PCDHGA10: variants seen among roughly 807,000 people sequenced by gnomAD.
The protein encoded by PCDHGA10 is protocadherin gamma-A10.
A neutral mutation model predicts 59.5 loss-of-function variants in PCDHGA10; 42 were observed. The observed-to-expected ratio is 0.71, with a 90% confidence interval of 0.55 to 0.91. The LOEUF is 0.91. Among genes scored for constraint, PCDHGA10 ranks in the 40% least tolerant of loss-of-function variants. The pLI is 0.00. For missense variants in PCDHGA10, 1,111 were observed against 1,198.2 expected, an observed-to-expected ratio of 0.93 and a Z score of 1.07; for synonymous variants, 511 against 517.2, an observed-to-expected ratio of 0.99 and a Z score of 0.16.
chr5:141,413,265 T>C lies in PCDHGA10; in HGVS notation c.90T>C (p.Ala30=). ...LCLFFGIPWE[A]GARQISYSIP... ...TTTTCTTCGGGATTCCATGGGAGGC[T>C]GGAGCCCGGCAGATCTCCTACTCAA... Residue 30 remains alanine (A), a synonymous_variant, in exon 1 of 4, where the codon GCT becomes GCC. Transcript: ENST00000398610. The C allele has an allele frequency of 6.2e-7, 1 of 1,613,958 alleles. No homozygotes were observed. Among genetic ancestry groups the C allele is most frequent in the Non-Finnish European group, 8.5e-7 (1 of 1,179,906 alleles).
chr5:141,433,090 C>T, intron 1 of PCDHGA10: 2 of 1,614,210 alleles, frequency 1.2e-6, no homozygotes, highest in Non-Finnish European at 1.7e-6. Flanking sequence ...ACTATGCAGA[C>T]ATGCTCGTCA....
At chr5:141,424,297 A>G (rs2096812591) in intron 1 of PCDHGA10, 1 of 152,466 alleles carries the variant, frequency 6.6e-6, no homozygotes, top group African/African-American at 2.4e-5. Flanking sequence ...TCTTCATCCT[A>G]TCAACACAGA....
intron 1 of PCDHGA10, among the ~76,000 whole-genome samples, chr5:141,473,858 C>T (rs569473917): frequency 6.6e-6 from 1 of 152,168 alleles, no homozygotes; most frequent in Non-Finnish European, 1.5e-5. Flanking sequence ...ATGAACCTCG[C>T]TATTGTGGAG....
At chr5:141,449,537 C>A (rs1377909573) in intron 1 of PCDHGA10, among the ~76,000 whole-genome samples, 1 of 146,334 alleles carries the variant, frequency 6.8e-6, no homozygotes, top group Non-Finnish European at 1.5e-5. Flanking sequence ...TGCAGTGAGC[C>A]GAGATCGCAC....
chr5:141,476,697 C>T lies in PCDHGA10; in HGVS notation c.2437-18110C>T, dbSNP rs758302668. The T allele has an allele frequency of 2.5e-6, 4 of 1,614,110 alleles. No individual in the cohort carries two copies. The highest frequency in any genetic ancestry group is 2.2e-5 in the South Asian group (2 of 91,088). The stretch of plus-strand genomic sequence containing the variant: ...ACGCGGGAGGACAGCACCAAGTACG[C>T]GGAGCTGGTGTTGGAGCGCGCCCTG... On this transcript the variant is annotated intron_variant, in intron 1 of 3. Coordinates refer to ENST00000398610, the MANE Select transcript of PCDHGA10 (RefSeq NM_018913.3). The surrounding 1 kb of genome is among the most constrained non-coding windows in gnomAD (Gnocchi z 7.6).
intron 1 of PCDHGA10, among the ~76,000 whole-genome samples, chr5:141,436,517 G>A (rs1398225419): frequency 1.3e-5 from 2 of 152,130 alleles, no homozygotes; most frequent in African/African-American, 4.8e-5. Flanking sequence ...TGTTAACTGT[G>A]TCACCTTTAG....
chr5:141,414,352 T>C lies in PCDHGA10; in HGVS notation c.1177T>C (p.Tyr393His). The C allele has an allele frequency of 5.0e-6, 8 of 1,613,968 alleles. No individual in the cohort carries two copies. Among genetic ancestry groups the C allele is most frequent in the Non-Finnish European group, 6.8e-6 (8 of 1,179,898 alleles). The change falls in exon 1 of 4, where the codon TAT becomes CAT. Residue 393 changes from tyrosine (Y) to histidine (H), a missense_variant. Coordinates refer to ENST00000398610, the MANE Select transcript of PCDHGA10 (RefSeq NM_018913.3). ...NGQVTCSILA[Y>H]LPFKLEKSID... ...ACAGGTAACCTGTTCCATTTTGGCG[T>C]ATCTACCATTTAAATTAGAAAAGTC... is the stretch of plus-strand genomic sequence containing the variant.
intron 1 of PCDHGA10, among the ~76,000 whole-genome samples, chr5:141,470,854 A>G (rs553276517): frequency 6.6e-6 from 1 of 152,028 alleles, no homozygotes; most frequent in Admixed American, 6.6e-5. Context: ...TGCTCAGATA[A>G]GTTTTTTGTT....
At chr5:141,422,588 C>A in intron 1 of PCDHGA10, 1 of 1,614,056 alleles carries the variant, frequency 6.2e-7, no homozygotes, top group South Asian at 1.1e-5. Flanking sequence ...CCCGTTTTTC[C>A]TCACTCCTCT....
rs1404533394 is a variant in PCDHGA10, at chr5:141,491,708, G to T, written c.2437-3099G>T. ...CTGCGGGAGCGGAGCCAGGTGAGGG[G>T]CTCGGCGCCGCCCCGGGCGACCCCT... On this transcript the variant is annotated intron_variant, in intron 1 of 3. Transcript: ENST00000398610. The surrounding 1 kb of genome is among the most constrained non-coding windows in gnomAD (Gnocchi z 6.9). 1 of 1,610,132 alleles carries T rather than the reference G, an allele frequency of 6.2e-7. No individual in the cohort carries two copies. Among genetic ancestry groups the T allele is most frequent in the Admixed American group, 1.7e-5 (1 of 59,518 alleles).
chr5:141,421,538 T>A, intron 1 of PCDHGA10: 2 of 1,614,028 alleles, frequency 1.2e-6, no homozygotes, highest in Non-Finnish European at 1.7e-6. Context: ...TCCTCCTGTT[T>A]TTTAAATATG....
At chr5:141,435,067 T>C (rs1381741674) in intron 1 of PCDHGA10, among the ~76,000 whole-genome samples, 1 of 152,168 alleles carries the variant, frequency 6.6e-6, no homozygotes, top group African/African-American at 2.4e-5. Flanking sequence ...CAGTTTTGTG[T>C]AGACCGTCTG....
At chr5:141,501,298 C>T (rs998006748) in intron 2 of PCDHGA10, among the ~76,000 whole-genome samples, 216 of 148,422 alleles carry the variant, frequency 1.5e-3, no homozygotes, top group Admixed American at 2.4e-3. Context: ...TATACACACA[C>T]ACACACACAC....
chr5:141,475,381 T>G (rs1182018899), intron 1 of PCDHGA10, among the ~76,000 whole-genome samples: 3 of 152,226 alleles, frequency 2.0e-5, no homozygotes, highest in Non-Finnish European at 4.4e-5. Flanking sequence ...ACTTTTAAAT[T>G]TTATAAGCCA....
In PCDHGA10 at chr5:141,491,848, C is replaced by A; in HGVS notation, c.2437-2959C>A. 1 of 1,461,478 alleles carries A rather than the reference C, an allele frequency of 6.8e-7. No homozygotes were observed. Among genetic ancestry groups the A allele is most frequent in the Non-Finnish European group, 9.1e-7 (1 of 1,104,578 alleles). The allele number at this position is 1,461,478 out of a possible 1,614,324, so 90.5% of individuals were successfully genotyped here. A position where few individuals can be genotyped will look rare whatever the true frequency, so the allele number is the denominator to read the frequency against. On this transcript the variant is annotated intron_variant, in intron 1 of 3. Transcript: ENST00000398610. This position sits in a 1 kb window ranked among gnomAD's most constrained non-coding sequence, Gnocchi z 6.9. ...CACCCGATTCTCGGGATCATTGGAC[C>A]GTTTGCGCGAAACCAGAGTGGCCGA...
intron 1 of PCDHGA10, chr5:141,419,588 A>C: frequency 6.2e-7 from 1 of 1,611,830 alleles, no homozygotes; most frequent in Non-Finnish European, 8.5e-7. Flanking sequence ...GCTCTTCGAC[A>C]CAGTGCCGCG....
intron 2 of PCDHGA10, among the ~76,000 whole-genome samples, chr5:141,501,009 C>T (rs2099804715): frequency 2.0e-5 from 3 of 152,040 alleles, no homozygotes; most frequent in Non-Finnish European, 4.4e-5. Context: ...GCTGGGACTA[C>T]AGGCACGCGC....
chr5:141,427,192 A>G (rs1191677237), intron 1 of PCDHGA10: 2 of 456,566 alleles, frequency 4.4e-6, no homozygotes, highest in African/African-American at 4.0e-5. Flanking sequence ...AAATCCAAAG[A>G]CTTAATAGAC....
At chr5:141,507,429 G>C (rs1191174823) in intron 3 of PCDHGA10, 3 of 152,238 alleles carry the variant, frequency 2.0e-5, no homozygotes, top group African/African-American at 7.2e-5. Flanking sequence ...AGTGGGGCCA[G>C]GCCTACAGCT....
Sources: allele counts gnomAD v4.1 joint callset (sites outside exome capture counted in the v4.1 genomes callset), GRCh38; gene constraint gnomAD v4.1.1; non-coding constraint Gnocchi (gnomAD v3.1); transcripts MANE v1.5; gene names NCBI Gene and HGNC (gene_info 2026-07-23, HGNC 2026-07-21).